The following LRRC53 variants were observed in gnomAD, a reference collection of about 807,000 sequenced individuals.
The protein encoded by LRRC53 is leucine rich repeat containing 53, also known as leucine-rich repeat-containing protein 53.
In LRRC53, 25 loss-of-function variants were observed where a neutral mutation model predicts 13.6. The ratio of observed to expected loss-of-function variants is 1.83; its 90% CI spans 1.34 to 2.56. The LOEUF (loss-of-function observed/expected upper bound fraction) is 2.56, where lower values mean the gene tolerates loss of function less well. Ranked by LOEUF, LRRC53 falls within the 30% of genes most tolerant of loss-of-function variation. The pLI is 0.00. For synonymous variants in LRRC53, 204 were observed against 109.8 expected, an observed-to-expected ratio of 1.86 and a Z score of -5.37; for missense variants, 527 against 275.8, an observed-to-expected ratio of 1.91 and a Z score of -6.45.
At chr1:74,484,054 G>A (rs931129987) in intron 1 of LRRC53, among the ~76,000 whole-genome samples, 1 of 151,838 alleles carries the variant, frequency 6.6e-6, no homozygotes, top group African/African-American at 2.4e-5. Context: ...CTACAGTACA[G>A]AGTATTATAA....
intron 4 of LRRC53, among the ~76,000 whole-genome samples, chr1:74,473,569 G>C (rs367599141): frequency 6.6e-6 from 1 of 151,486 alleles, no homozygotes; most frequent in Non-Finnish European, 1.5e-5. Context: ...TAGGTGTTAG[G>C]CCTCAAAATT....
intron 1 of LRRC53, among the ~76,000 whole-genome samples, chr1:74,498,324 A>G (rs1458113004): frequency 6.6e-6 from 1 of 152,180 alleles, no homozygotes; most frequent in East Asian, 1.9e-4. Flanking sequence ...TATGTCATGA[A>G]GAAGTATTTT....
At chr1:74,506,663 G>A (rs1376472379) in intron 1 of LRRC53, among the ~76,000 whole-genome samples, 5 of 152,184 alleles carry the variant, frequency 3.3e-5, no homozygotes, top group Admixed American at 1.3e-4. Context: ...GCCCCACACC[G>A]GACCTGCCGA....
At chr1:74,503,913 T>C (rs987372606) in intron 1 of LRRC53, among the ~76,000 whole-genome samples, 1 of 152,172 alleles carries the variant, frequency 6.6e-6, no homozygotes, top group Non-Finnish European at 1.5e-5. Context: ...TATACCTCAT[T>C]ATGTTCCTGA....
chr1:74,492,026 C>T (rs1358739621), intron 1 of LRRC53: 1 of 1,385,100 alleles, frequency 7.2e-7, no homozygotes. Flanking sequence ...AAAGTTAAAT[C>T]CATATTTTAT....
Position 74,470,209 on chromosome 1 carries a change from G to A in LRRC53, c.3413C>T (p.Ala1138Val). ...GGAACTTGTGATACTTAAATCTTTA[G>A]CTGTAATGGTCTCCTCGGCAGAGCT... ...DASSAEETIT[A>V]KDLSITSSHE... The change falls in exon 5 of 5, where the codon GCT (alanine) becomes GTT (valine). Residue 1138 changes from alanine to valine, a missense_variant. Transcript: ENST00000294635. 2.5e-6 allele frequency: 1 copy of A among 400,626 alleles called. No homozygotes were observed. Among genetic ancestry groups the A allele is most frequent in the Non-Finnish European group, 4.4e-6 (1 of 226,156 alleles). The allele number at this position is 400,626 out of a possible 1,614,324, so 24.8% of individuals were successfully genotyped here.
At chr1:74,481,931 A>G (rs1180040536) in intron 2 of LRRC53, among the ~76,000 whole-genome samples, 1 of 152,168 alleles carries the variant, frequency 6.6e-6, no homozygotes, top group South Asian at 2.1e-4. Context: ...TTCAGACTGC[A>G]TCGCGGAAAC....
chr1:74,516,958 G>A (rs867672906), upstream of LRRC53, among the ~76,000 whole-genome samples: 1 of 152,104 alleles, frequency 6.6e-6, no homozygotes, highest in Admixed American at 6.6e-5. Context: ...AAGTCTAAAA[G>A]AAATATTTAC....
chr1:74,511,422 T>C (rs558337301), intron 1 of LRRC53, among the ~76,000 whole-genome samples: 1 of 152,276 alleles, frequency 6.6e-6, no homozygotes. Flanking sequence ...GGTCTCGAAC[T>C]CCTGACCTCA....
intron 1 of LRRC53, among the ~76,000 whole-genome samples, chr1:74,490,648 G>A (rs1279620954): frequency 6.6e-6 from 1 of 152,194 alleles, no homozygotes; most frequent in East Asian, 1.9e-4. Context: ...GCCTAAAGAG[G>A]CTTGACTTGC....
At chr1:74,520,889 T>A in the LRRC53 span, among the ~76,000 whole-genome samples, 1 of 152,022 alleles carries the variant, frequency 6.6e-6, no homozygotes, top group East Asian at 1.9e-4. Context: ...TTGGGGAGGA[T>A]TGCTTGGAGC....
chr1:74,527,304 A>G, the LRRC53 span, among the ~76,000 whole-genome samples: 1 of 152,264 alleles, frequency 6.6e-6, no homozygotes, highest in Non-Finnish European at 1.5e-5. Flanking sequence ...GTAAACAGAC[A>G]AAGATAAACA....
At chr1:74,524,346 A>T in the LRRC53 span, among the ~76,000 whole-genome samples, 1 of 152,202 alleles carries the variant, frequency 6.6e-6, no homozygotes, top group Admixed American at 6.5e-5. Flanking sequence ...GGCTTGGCCC[A>T]TTAGATAGCA....
At chr1:74,499,880 T>C (rs1669519833) in intron 1 of LRRC53, among the ~76,000 whole-genome samples, 2 of 152,138 alleles carry the variant, frequency 1.3e-5, no homozygotes, top group African/African-American at 4.8e-5. Context: ...GTGTGATAAA[T>C]AGTTACATCC....
intron 1 of LRRC53, chr1:74,489,131 A>G: frequency 1.3e-6 from 2 of 1,486,270 alleles, no homozygotes; most frequent in Non-Finnish European, 1.8e-6. Context: ...TTTAACATCC[A>G]AAGAGAGTCT....
At chr1:74,479,201 G>A (rs1668355135) in intron 3 of LRRC53, among the ~76,000 whole-genome samples, 1 of 152,048 alleles carries the variant, frequency 6.6e-6, no homozygotes, top group South Asian at 2.1e-4. Flanking sequence ...CAGGTGCAGA[G>A]GATTTCACCA....
chr1:74,526,019 T>C, the LRRC53 span, among the ~76,000 whole-genome samples: 1 of 152,156 alleles, frequency 6.6e-6, no homozygotes, highest in Non-Finnish European at 1.5e-5. Flanking sequence ...AGGCAAAGGG[T>C]CCCAGAGGTT....
chr1:74,506,102 T>C (rs1400615923), intron 1 of LRRC53, among the ~76,000 whole-genome samples: 1 of 152,114 alleles, frequency 6.6e-6, no homozygotes. Context: ...GGGGATATGA[T>C]GTAGATAATA....
chr1:74,525,853 A>T, the LRRC53 span, among the ~76,000 whole-genome samples: 2 of 152,190 alleles, frequency 1.3e-5, no homozygotes, highest in Non-Finnish European at 2.9e-5. Flanking sequence ...ACAGCACATC[A>T]CACCAGAGTG....
Sources: gnomAD v4.1 joint callset for allele counts (sites outside exome capture counted in the v4.1 genomes callset) on GRCh38, gnomAD v4.1.1 for gene constraint, MANE v1.5 for transcripts, NCBI Gene and HGNC (gene_info 2026-07-23, HGNC 2026-07-21) for gene names.